The following MAGED1 variants were observed in gnomAD, a reference collection of about 807,000 sequenced individuals.
The protein encoded by MAGED1 is MAGE family member D1, also known as melanoma-associated antigen D1.
Under a neutral mutation model 54.1 loss-of-function variants are expected in MAGED1, and 3 were observed. The observed-to-expected ratio is 0.06, with a 90% CI of 0.03 to 0.14. MAGED1 has a LOEUF of 0.14. Among genes scored for constraint, MAGED1 ranks in the 10% least tolerant of loss-of-function variants. The pLI, the probability that MAGED1 is intolerant of heterozygous loss-of-function variation, is 1.00. For missense variants in MAGED1, 485 were observed against 623.4 expected (o/e 0.78, Z 2.36); for synonymous variants, 217 against 227.3 (o/e 0.95, Z 0.41).
chrX:51,845,019 G>C (rs1230778349), intron 1 of MAGED1, among the ~76,000 whole-genome samples: 1 of 111,276 alleles, frequency 9.0e-6, no homozygotes, highest in Non-Finnish European at 1.9e-5. Context: ...GGAACACGAG[G>C]TCAAGAGATC....
chrX:51,900,406 C>A, intron 11 of MAGED1, 110 bp downstream of exon 11: 1 of 533,955 alleles, frequency 1.9e-6, no homozygotes, highest in Non-Finnish European at 3.1e-6. Flanking sequence ...GTAGGTGCCG[C>A]ATTGCTGGTG....
chrX:51,817,603 C>T (rs1557356189), intron 1 of MAGED1, among the ~76,000 whole-genome samples: 2 of 112,111 alleles, frequency 1.8e-5, no homozygotes, highest in Non-Finnish European at 3.8e-5. Context: ...TGCCATTGTA[C>T]ACTATCTTTG....
chrX:51,870,998 G>A (rs1244461260), intron 1 of MAGED1, among the ~76,000 whole-genome samples: 8 of 112,250 alleles, frequency 7.1e-5, no homozygotes, highest in Non-Finnish European at 1.5e-4. Context: ...GCACACTCCC[G>A]GAGAGGGTTC....
chrX:51,825,783 A>G (rs1925833450), intron 1 of MAGED1, among the ~76,000 whole-genome samples: 1 of 111,974 alleles, frequency 8.9e-6, no homozygotes, highest in African/African-American at 3.2e-5. Flanking sequence ...ATGGTCTTCT[A>G]TATTCCCTAG....
At chrX:51,812,722 C>G in intron 1 of MAGED1, among the ~76,000 whole-genome samples, 1 of 111,283 alleles carries the variant, frequency 9.0e-6, no homozygotes, top group East Asian at 2.8e-4. Context: ...CTGCTGTGAA[C>G]TTCTGGTATA....
Position 51,896,873 on chromosome X carries a change from ACCACCCGACTGGCCACTG to A in MAGED1, c.1224_1241del (p.Pro414_Pro419del). On this transcript the variant is annotated inframe_deletion, in exon 4 of 13. Transcript: ENST00000326587. ...GGCAAGGTCCTCCTGACTGGCCGCTACCACCCGACTGGCCACTGCCACCTGATTGGCCACTTCCCACTG... is the reference window on the plus strand; with the variant it reads ...GGCAAGGTCCTCCTGACTGGCCGCTACCACCTGATTGGCCACTTCCCACTG... 5.0e-6 allele frequency: 6 copies of A among 1,203,967 alleles called. No individual in the cohort carries two copies. The highest frequency in any genetic ancestry group is 3.4e-6 in the Non-Finnish European group (3 of 891,894).
rs782164609 is a variant in MAGED1 at position 51,895,029 on chromosome X, A to AT, written c.46-18dup. Reference sequence around the variant, plus strand: ...CCTGCCTCAGAGGCCCAGAGATTTAATTTTTTCCCCCCTGTGTTTGCAGGC... The same window carrying AT: ...CCTGCCTCAGAGGCCCAGAGATTTAATTTTTTTCCCCCCTGTGTTTGCAGGC... On this transcript the variant is annotated intron_variant, in intron 2 of 12. Transcript: ENST00000326587. 3 of 1,155,169 alleles carry AT rather than the reference A, an allele frequency of 2.6e-6. No homozygotes were observed. The Admixed American group carries it at 7.3e-5, about 28-fold the overall frequency.
intron 1 of MAGED1, among the ~76,000 whole-genome samples, chrX:51,877,164 T>C (rs900897574): frequency 9.0e-6 from 1 of 110,563 alleles, no homozygotes; most frequent in Non-Finnish European, 1.9e-5. Flanking sequence ...TAAATAAGAC[T>C]AAGAGGCAAG....
intron 11 of MAGED1, among the ~76,000 whole-genome samples, chrX:51,900,618 T>TTTTA (rs782573827): frequency 1.8e-5 from 2 of 111,473 alleles, no homozygotes; most frequent in African/African-American, 3.3e-5. Context: ...AAGTATTTTG[T>TTTTA]TTTATTTATT....
upstream of MAGED1, among the ~76,000 whole-genome samples, chrX:51,891,582 C>T (rs1284751175): frequency 4.5e-5 from 5 of 112,194 alleles, 1 homozygote; most frequent in African/African-American, 1.6e-4. Context: ...AAAAATGTGC[C>T]AGGCATGGTT....
intron 1 of MAGED1, among the ~76,000 whole-genome samples, chrX:51,863,975 T>G (rs989502403): frequency 9.0e-6 from 1 of 111,537 alleles, no homozygotes; most frequent in Non-Finnish European, 1.9e-5. Flanking sequence ...TCCCTTGCTG[T>G]GTAGAAACTT....
In MAGED1 at chrX:51,897,560, T is replaced by G. The variant is rs1557364467; in HGVS notation, c.1500T>G (p.Asp500Glu). ...VPIKRSEMLRDIIREYTDVYP... is the reference protein window; with the variant it reads ...VPIKRSEMLREIIREYTDVYP... Reference sequence around the variant, plus strand: ...TCTCTCCTACAGAAATGCTGAGAGATATCATCCGTGAATACACTGATGTTT... The same window carrying G: ...TCTCTCCTACAGAAATGCTGAGAGAGATCATCCGTGAATACACTGATGTTT... Residue 500 changes from aspartate (D) to glutamate (E), a missense_variant, in exon 6 of 13, where the codon GAT (aspartate) becomes GAG (glutamate). Coordinates refer to ENST00000326587, the MANE Select transcript of MAGED1 (RefSeq NM_006986.4). The G allele has an allele frequency of 8.3e-7, 1 of 1,203,077 alleles. No homozygotes were observed. The highest frequency in any genetic ancestry group is 1.1e-6 in the Non-Finnish European group (1 of 890,948).
At chrX:51,850,683 G>T (rs1926854419) in intron 1 of MAGED1, among the ~76,000 whole-genome samples, 1 of 111,069 alleles carries the variant, frequency 9.0e-6, no homozygotes, top group South Asian at 3.9e-4. Flanking sequence ...CACATCACCT[G>T]AGGTCAGGAG....
At chrX:51,835,611 G>T (rs1438396762) in intron 1 of MAGED1, among the ~76,000 whole-genome samples, 1 of 111,255 alleles carries the variant, frequency 9.0e-6, no homozygotes, top group African/African-American at 3.3e-5. Context: ...GATTGATTGT[G>T]ATGAGCCTTG....
chrX:51,809,792 A>G (rs1288098571), intron 1 of MAGED1, among the ~76,000 whole-genome samples: 1 of 111,360 alleles, frequency 9.0e-6, no homozygotes, highest in African/African-American at 3.3e-5. Context: ...GCCATTGATG[A>G]TAATTGCCTA....
chrX:51,851,448 T>C (rs988431086), intron 1 of MAGED1, among the ~76,000 whole-genome samples: 1 of 111,363 alleles, frequency 9.0e-6, no homozygotes, highest in Admixed American at 9.6e-5. Flanking sequence ...CTGAAACTGT[T>C]GACAGTACTG....
chrX:51,865,553 C>T (rs1557361044), intron 1 of MAGED1, among the ~76,000 whole-genome samples: 2 of 111,594 alleles, frequency 1.8e-5, no homozygotes, highest in Non-Finnish European at 3.8e-5. Context: ...CCCATATTCA[C>T]ATTTTAGGTT....
intron 1 of MAGED1, among the ~76,000 whole-genome samples, chrX:51,883,844 T>C (rs1557362664): frequency 9.0e-6 from 1 of 111,554 alleles, no homozygotes; most frequent in Non-Finnish European, 1.9e-5. Context: ...TTTTAATACA[T>C]GGACTTTAAA....
In MAGED1 at chrX:51,807,488, T is replaced by C. The variant is rs781908588; in HGVS notation, c.-37+4371T>C. ...ATTTATGGTTAGTGCTTCTTTGTAC[T>C]GATTAGGAAACTTTTATATTTCCCA... On this transcript the variant is annotated intron_variant, in intron 1 of 12. Transcript: ENST00000375772. Among the ~76,000 whole-genome samples, 8 of 111,844 alleles carry C rather than the reference T, an allele frequency of 7.2e-5. No homozygotes were observed. The South Asian group carries it at 1.5e-3, about 21-fold the overall frequency.
Sources: gnomAD v4.1 joint callset for allele counts (sites outside exome capture counted in the v4.1 genomes callset) on GRCh38, gnomAD v4.1.1 for gene constraint, MANE v1.5 for transcripts, NCBI Gene and HGNC (gene_info 2026-07-23, HGNC 2026-07-21) for gene names.